The following WDFY3 variants were observed in gnomAD, a reference collection of about 807,000 sequenced individuals.
WDFY3 encodes WD repeat and FYVE domain-containing protein 3.
A neutral mutation model predicts 409.6 loss-of-function variants in WDFY3; 66 were observed. That is an observed-to-expected ratio of 0.16 (90% CI 0.13 to 0.20). WDFY3 has a LOEUF of 0.20. Ranked by LOEUF, WDFY3 falls within the 10% of genes least tolerant of loss-of-function variation. The probability of loss-of-function intolerance (pLI) is 1.00; values close to 1 mark genes in which losing one functional copy is unlikely to be tolerated. For synonymous variants in WDFY3, 1,521 were observed against 1,537.1 expected (o/e 0.99, Z 0.25); for missense variants, 3,031 against 4,298.1 (o/e 0.71, Z 8.24).
At chr4:84,816,136 A>T (rs897932206) in intron 13 of WDFY3, among the ~76,000 whole-genome samples, 15 of 152,118 alleles carry the variant, frequency 9.9e-5, no homozygotes, top group Admixed American at 6.6e-4. Context: ...TCCTGGAATC[A>T]AGGAGGCCTG....
At chr4:84,851,918 A>ATAAC (rs5859955) in intron 4 of WDFY3, among the ~76,000 whole-genome samples, 67,206 of 151,614 alleles carry the variant, frequency 0.44, 15,194 homozygotes, top group African/African-American at 0.52. Flanking sequence ...ACTGGCAACA[A>ATAAC]TAATAATAAA....
intron 2 of WDFY3, among the ~76,000 whole-genome samples, chr4:84,918,828 G>GATAT (rs139610468): frequency 0.29 from 42,588 of 145,316 alleles, 6,185 homozygotes; most frequent in Middle Eastern, 0.34. Flanking sequence ...TATATATATA[G>GATAT]ATATATATAT....
chr4:84,902,229 T>G (rs755310350), intron 2 of WDFY3, among the ~76,000 whole-genome samples: 1 of 152,160 alleles, frequency 6.6e-6, no homozygotes, highest in Non-Finnish European at 1.5e-5. Context: ...AGACTGCCCA[T>G]GAGAAATCTG....
At chr4:84,933,831 T>A (rs1579190357) in intron 1 of WDFY3, among the ~76,000 whole-genome samples, 2 of 152,152 alleles carry the variant, frequency 1.3e-5, no homozygotes, top group Admixed American at 1.3e-4. Context: ...TCCAGTTTCA[T>A]CTATGTTGTT....
chr4:84,733,490 C>T lies in WDFY3; in HGVS notation c.7113G>A (p.Leu2371=). The T allele has an allele frequency of 6.2e-7, 1 of 1,614,096 alleles. No homozygotes were observed. Among genetic ancestry groups the T allele is most frequent in the Non-Finnish European group, 8.5e-7 (1 of 1,180,012 alleles). The stretch of plus-strand genomic sequence containing the variant: ...TCCTGCAGGGCCCTTCTGTCATCTC[C>T]AGCATCCACTTGTCGAGGTGGGAGC... The part of the protein sequence containing the change: ...PIGSHLDKWM[L]EMTEGPCRMR... The change falls in exon 44 of 68, where the codon CTG becomes CTA. Residue 2371 remains leucine (L), a synonymous_variant. Transcript: ENST00000295888.
At chr4:84,855,908 C>T (rs1223790039) in intron 4 of WDFY3, among the ~76,000 whole-genome samples, 1 of 152,206 alleles carries the variant, frequency 6.6e-6, no homozygotes, top group African/African-American at 2.4e-5. Flanking sequence ...TCCTTCCGGG[C>T]TTTGCCTGCC....
chr4:84,743,915 GTTTTAA>G, intron 36 of WDFY3, 116 bp from the exon 37 acceptor site: 5 of 574,418 alleles, frequency 8.7e-6, no homozygotes, highest in Non-Finnish European at 1.3e-5. Flanking sequence ...TAATAAATTT[GTTTTAA>G]ATGCCATGAG....
chr4:84,724,622 C>A, intron 45 of WDFY3, 28 bp from the exon 46 acceptor site: 1 of 1,600,562 alleles, frequency 6.2e-7, no homozygotes, highest in Non-Finnish European at 8.5e-7. Context: ...AAAATGACTC[C>A]GATAACTATC....
At chr4:84,796,925 C>T (rs555470517) in intron 18 of WDFY3, among the ~76,000 whole-genome samples, 173 bp from the exon 19 acceptor site, 9 of 152,104 alleles carry the variant, frequency 5.9e-5, no homozygotes, top group Admixed American at 1.3e-4. Context: ...TAATAGCATG[C>T]GTTTCCTTTT....
At chr4:84,716,439 A>C (rs1267961586) in intron 49 of WDFY3, among the ~76,000 whole-genome samples, 1 of 120,178 alleles carries the variant, frequency 8.3e-6, no homozygotes, top group Non-Finnish European at 1.8e-5. Context: ...ACTCCATCTC[A>C]AAAAAAAAAA....
chr4:84,734,104 T>G (rs1737045011), intron 43 of WDFY3, among the ~76,000 whole-genome samples: 1 of 152,132 alleles, frequency 6.6e-6, no homozygotes, highest in South Asian at 2.1e-4. Context: ...AGATGAAGAA[T>G]ATAAACATGC....
At chr4:84,839,595 C>T (rs970602727) in intron 6 of WDFY3, among the ~76,000 whole-genome samples, 9 of 151,966 alleles carry the variant, frequency 5.9e-5, no homozygotes, top group East Asian at 1.9e-4. Context: ...CAGTGGCTCA[C>T]GCCTGTAATC....
Position 84,670,871 on chromosome 4 carries a change from G to A in WDFY3, c.*1997C>T, listed in dbSNP as rs780983083. The A allele has an allele frequency of 1.3e-5, 2 of 152,458 alleles. No individual in the cohort carries two copies. The highest frequency in any genetic ancestry group is 2.9e-5 in the Non-Finnish European group (2 of 68,040). The allele number at this position is 152,458 out of a possible 1,614,324, so 9.4% of individuals were successfully genotyped here. On this transcript the variant is annotated 3_prime_UTR_variant, in exon 68 of 68. Coordinates refer to ENST00000295888, the MANE Select transcript of WDFY3 (RefSeq NM_014991.6). Reference sequence around the variant, plus strand: ...TTTATTAGAATTGAAGATGGTGATGGGGGAGGGAGAGTGTGGGGGGAGTAA... The same window carrying A: ...TTTATTAGAATTGAAGATGGTGATGAGGGAGGGAGAGTGTGGGGGGAGTAA...
At chr4:84,919,742 T>G (rs1769008922) in intron 2 of WDFY3, among the ~76,000 whole-genome samples, 1 of 152,202 alleles carries the variant, frequency 6.6e-6, no homozygotes, top group South Asian at 2.1e-4. Flanking sequence ...ACCATGATTG[T>G]AAGTTTCCTG....
At chr4:84,848,305 G>A (rs1758399731) in intron 5 of WDFY3, among the ~76,000 whole-genome samples, 1 of 151,530 alleles carries the variant, frequency 6.6e-6, no homozygotes, top group African/African-American at 2.4e-5. Flanking sequence ...AATCTACGTA[G>A]CTTTCGATTT....
chr4:84,688,305 A>G, intron 61 of WDFY3, 40 bp from the exon 62 acceptor site: 3 of 1,591,220 alleles, frequency 1.9e-6, no homozygotes, highest in Non-Finnish European at 2.6e-6. Context: ...GGTTGATCTC[A>G]GTGACAGGGT....
intron 2 of WDFY3, among the ~76,000 whole-genome samples, chr4:84,900,114 A>C (rs1253768632): frequency 6.6e-6 from 1 of 152,202 alleles, no homozygotes; most frequent in South Asian, 2.1e-4. Context: ...CTTACACACA[A>C]AAGTTTATAG....
At position 84,733,574 on chromosome 4, in the gene WDFY3, C is replaced by G. The variant is rs752153392; in HGVS notation, c.7029G>C (p.Glu2343Asp). The G allele has an allele frequency of 3.1e-6, 5 of 1,614,102 alleles. No homozygotes were observed. The highest frequency in any genetic ancestry group is 3.4e-6 in the Non-Finnish European group (4 of 1,180,006). Residue 2343 changes from glutamate (E) to aspartate (D), a missense_variant, in exon 44 of 68, where the codon GAG (glutamate) becomes GAC (aspartate). Physicochemically the swap from Glu to Asp is conservative, Grantham distance 45. Around this residue, in one of 16 missense-constraint regions of WDFY3, gnomAD observed 98 missense variants for 194.9 expected, o/e 0.50. Transcript: ENST00000295888. ...QQNALKYVTEEWCQIECELLR... is the reference protein window; with the variant it reads ...QQNALKYVTEDWCQIECELLR... ...ACAGCTCGCACTCGATCTGACACCA[C>G]TCTTCTGTCACGTACTTCAGGGCAT... is the stretch of plus-strand genomic sequence containing the variant.
intron 51 of WDFY3, among the ~76,000 whole-genome samples, chr4:84,711,553 T>TA (rs1054142795): frequency 1.1e-4 from 17 of 151,986 alleles, no homozygotes; most frequent in Admixed American, 8.5e-4. Context: ...ATCAATAAAA[T>TA]AAAAAAATTA....
Sources: gnomAD v4.1 joint callset for allele counts (sites outside exome capture counted in the v4.1 genomes callset) on GRCh38, gnomAD v4.1.1 for gene constraint, gnomAD v4.1.1 regional missense constraint, MANE v1.5 for transcripts, NCBI Gene and HGNC (gene_info 2026-07-23, HGNC 2026-07-21) for gene names.